The following BRMS1L variants were observed in gnomAD, a reference collection of about 807,000 sequenced individuals.
The protein encoded by BRMS1L is BRMS1 like transcriptional repressor.
In BRMS1L, 23 loss-of-function variants were observed where a neutral mutation model predicts 50.3. The observed-to-expected ratio is 0.46, with a 90% CI of 0.33 to 0.65. The LOEUF is 0.65. BRMS1L is among the 30% of genes least tolerant of loss of function. BRMS1L has a pLI of 0.02. For synonymous variants in BRMS1L, 114 were observed against 126.9 expected (o/e 0.90, Z 0.69); for missense variants, 286 against 386.1 (o/e 0.74, Z 2.17).
intron 1 of BRMS1L, chr14:35,826,860 G>T: frequency 1.4e-6 from 1 of 696,634 alleles, no homozygotes; most frequent in Non-Finnish European, 2.2e-6. Context: ...CGGCGGGGCG[G>T]GGCGGGCCTG....
rs2078494694 is a variant in BRMS1L, at chr14:35,871,754, T to G, written c.*1277T>G. On this transcript the variant is annotated 3_prime_UTR_variant, in exon 10 of 10. Transcript: ENST00000216807. ...CCTGTGCAGATCACTACTTCATAGT[T>G]GCCAAATTTTAAAACACTTAACTGC... 1 of 152,688 alleles carries G rather than the reference T, an allele frequency of 6.5e-6. No individual in the cohort carries two copies. The highest frequency in any genetic ancestry group is 2.1e-4 in the South Asian group (1 of 4,836). The allele number at this position is 152,688 out of a possible 1,614,324, so 9.5% of individuals were successfully genotyped here.
rs1015278890 is a variant in BRMS1L at position 35,826,467 on chromosome 14, C to T, written c.-50C>T. On this transcript the variant is annotated 5_prime_UTR_variant, in exon 1 of 10. Transcript: ENST00000216807. ...TTCCGCGCGCCCTTCATTGAAGCGGCGGTGGCCGGGCTGGGCGCCGGTAGT... is the reference window on the plus strand; with the variant it reads ...TTCCGCGCGCCCTTCATTGAAGCGGTGGTGGCCGGGCTGGGCGCCGGTAGT... The T allele has an allele frequency of 6.4e-7, 1 of 1,552,010 alleles. No homozygotes were observed. Among genetic ancestry groups the T allele is most frequent in the East Asian group, 2.4e-5 (1 of 41,524 alleles).
chr14:35,836,200 A>G (rs149173259), intron 4 of BRMS1L, among the ~76,000 whole-genome samples: 1 of 152,314 alleles, frequency 6.6e-6, no homozygotes, highest in African/African-American at 2.4e-5. Context: ...TTCTGGCTAT[A>G]AATGCTTTGC....
chr14:35,828,435 G>A lies in BRMS1L; in HGVS notation c.142+1777G>A, dbSNP rs563938624. On this transcript the variant is annotated intron_variant, in intron 1 of 9. Transcript: ENST00000216807. The stretch of plus-strand genomic sequence containing the variant: ...GATCCACCCACTTCAACCTCCCAAT[G>A]TGCTGGGATTACAGGCATGAGCTAC... Among the ~76,000 whole-genome samples, 5 of 147,292 alleles carry A rather than the reference G, an allele frequency of 3.4e-5. No homozygotes were observed. In the East Asian group the frequency reaches 6.0e-4, roughly 18 times the overall value.
intron 4 of BRMS1L, among the ~76,000 whole-genome samples, chr14:35,837,146 T>C (rs1310946967): frequency 2.0e-5 from 3 of 152,120 alleles, no homozygotes; most frequent in Non-Finnish European, 2.9e-5. Flanking sequence ...TCCCAGGTAC[T>C]TGGGAGTCTG....
intron 4 of BRMS1L, among the ~76,000 whole-genome samples, chr14:35,847,544 C>T (rs2078152161): frequency 6.6e-6 from 1 of 152,090 alleles, no homozygotes; most frequent in South Asian, 2.1e-4. Flanking sequence ...CTAAAAAGTC[C>T]AACGTATCAT....
chr14:35,832,705 C>A (rs1216835199), intron 2 of BRMS1L, among the ~76,000 whole-genome samples: 1 of 152,096 alleles, frequency 6.6e-6, no homozygotes, highest in South Asian at 2.1e-4. Flanking sequence ...AAAACAAAAA[C>A]AAACATTAAT....
chr14:35,843,481 A>T (rs2078092576), intron 4 of BRMS1L, among the ~76,000 whole-genome samples: 1 of 152,120 alleles, frequency 6.6e-6, no homozygotes, highest in Non-Finnish European at 1.5e-5. Flanking sequence ...GTCCACTCTA[A>T]ACCCTGTTTG....
At chr14:35,852,579 C>G (rs1479390080) in intron 4 of BRMS1L, among the ~76,000 whole-genome samples, 1 of 152,038 alleles carries the variant, frequency 6.6e-6, no homozygotes, top group African/African-American at 2.4e-5. Flanking sequence ...TGTTTTATTC[C>G]TAATTGTTTA....
At chr14:35,848,498 G>C (rs2092909622) in intron 4 of BRMS1L, among the ~76,000 whole-genome samples, 1 of 152,022 alleles carries the variant, frequency 6.6e-6, no homozygotes, top group African/African-American at 2.4e-5. Flanking sequence ...ACTGCATCTG[G>C]CTACAATACG....
intron 2 of BRMS1L, 118 bp downstream of exon 2, chr14:35,831,618 T>G (rs2077920096): frequency 1.4e-6 from 1 of 700,878 alleles, no homozygotes; most frequent in Non-Finnish European, 2.5e-6. Flanking sequence ...ACAGACCAAT[T>G]TGAAAGAGGC....
chr14:35,866,637 C>G (rs753122276), intron 8 of BRMS1L, among the ~76,000 whole-genome samples: 2 of 151,930 alleles, frequency 1.3e-5, no homozygotes, highest in Non-Finnish European at 2.9e-5. Flanking sequence ...CCCTGGAGGT[C>G]GAGGCTCCAG....
intron 4 of BRMS1L, among the ~76,000 whole-genome samples, chr14:35,853,234 T>C (rs1267082023): frequency 1.3e-5 from 2 of 152,186 alleles, no homozygotes; most frequent in African/African-American, 2.4e-5. Context: ...TTTTTTCATT[T>C]TTTTAAAACC....
intron 4 of BRMS1L, among the ~76,000 whole-genome samples, chr14:35,845,710 T>G (rs1235452029): frequency 1.3e-5 from 2 of 152,216 alleles, no homozygotes; most frequent in East Asian, 3.8e-4. Flanking sequence ...CCGTGAGTGT[T>G]TTGTACATCT....
chr14:35,869,209 G>A (rs1265410014), intron 9 of BRMS1L, among the ~76,000 whole-genome samples: 1 of 152,100 alleles, frequency 6.6e-6, no homozygotes, highest in Non-Finnish European at 1.5e-5. Context: ...TTCTGTTTAT[G>A]TTATTGTTTT....
At chr14:35,865,081 A>C (rs1306550897) in intron 7 of BRMS1L, 82 bp downstream of exon 7, 2 of 1,018,208 alleles carry the variant, frequency 2.0e-6, no homozygotes, top group Non-Finnish European at 2.8e-6. Context: ...TTAGTACATC[A>C]AAATATTATT....
chr14:35,861,298 A>G (rs1351958003), intron 4 of BRMS1L, among the ~76,000 whole-genome samples: 3 of 152,192 alleles, frequency 2.0e-5, no homozygotes, highest in Non-Finnish European at 4.4e-5. Context: ...AGAAAAGAGA[A>G]TACACCAATT....
Position 35,829,847 on chromosome 14 carries a change from A to G in BRMS1L, c.143-1563A>G, listed in dbSNP as rs962174625. ...ATGCAGATCATTTTGTGCTTCAGTT[A>G]TTTTGATGAATGAATATATGTGATA... is the stretch of plus-strand genomic sequence containing the variant. On this transcript the variant is annotated intron_variant, in intron 1 of 9. Transcript: ENST00000216807. 7.9e-5 allele frequency: 99 copies of G among 1,256,538 alleles called. No homozygotes were observed. The African/African-American group carries it at 1.5e-3, about 19-fold the overall frequency. 77.8% of individuals were successfully genotyped at this position (1,256,538 alleles called of 1,614,324 possible).
chr14:35,846,796 G>A (rs1038481307), intron 4 of BRMS1L, among the ~76,000 whole-genome samples: 5 of 152,118 alleles, frequency 3.3e-5, no homozygotes, highest in African/African-American at 1.2e-4. Flanking sequence ...ATATTTTGAG[G>A]AGAAGGACTT....
Sources: gnomAD v4.1 joint callset for allele counts (sites outside exome capture counted in the v4.1 genomes callset) on GRCh38, gnomAD v4.1.1 for gene constraint, MANE v1.5 for transcripts, NCBI Gene and HGNC (gene_info 2026-07-23, HGNC 2026-07-21) for gene names.